NUBPL: variants seen among roughly 807,000 people sequenced by gnomAD.
The protein encoded by NUBPL is NUBP iron-sulfur cluster assembly factor, mitochondrial.
Under a neutral mutation model 45.7 loss-of-function variants are expected in NUBPL, and 31 were observed. The ratio of observed to expected loss-of-function variants is 0.68; its 90% confidence interval spans 0.51 to 0.92. The LOEUF is 0.92. Among genes scored for constraint, NUBPL ranks in the 40% least tolerant of loss-of-function variants. NUBPL has a pLI of 0.00. For missense variants in NUBPL, 401 were observed against 398.7 expected (o/e 1.01, Z -0.05); for synonymous variants, 144 against 140.9 (o/e 1.02, Z -0.15).
At chr14:31,669,009 T>C (rs1235242007) in intron 4 of NUBPL, among the ~76,000 whole-genome samples, 1 of 152,152 alleles carries the variant, frequency 6.6e-6, no homozygotes, top group Non-Finnish European at 1.5e-5. Context: ...GCTCCTTATT[T>C]ATTAAATTTT....
At chr14:31,782,162 C>T (rs904017452) in intron 6 of NUBPL, among the ~76,000 whole-genome samples, 71 of 152,020 alleles carry the variant, frequency 4.7e-4, no homozygotes, top group Non-Finnish European at 2.4e-4. Context: ...TTTGGGAGGC[C>T]GAGGCAGGCA....
intron 6 of NUBPL, among the ~76,000 whole-genome samples, chr14:31,707,529 T>C (rs1312371117): frequency 5.3e-5 from 8 of 152,164 alleles, no homozygotes; most frequent in African/African-American, 9.7e-5. Context: ...GATTAGAGTA[T>C]AGAGGGGCCT....
chr14:31,610,627 A>AAG (rs2034729963), intron 4 of NUBPL, among the ~76,000 whole-genome samples: 1 of 149,920 alleles, frequency 6.7e-6, no homozygotes, highest in African/African-American at 2.4e-5. Context: ...AAAAAAAAAA[A>AAG]AAAGAAAGAA....
At chr14:31,652,564 A>G (rs1595440312) in intron 4 of NUBPL, among the ~76,000 whole-genome samples, 1 of 152,224 alleles carries the variant, frequency 6.6e-6, no homozygotes, top group African/African-American at 2.4e-5. Context: ...AATTTTGTCA[A>G]TTAAAAATGA....
At chr14:31,629,529 G>T (rs911534230) in intron 4 of NUBPL, among the ~76,000 whole-genome samples, 2 of 152,094 alleles carry the variant, frequency 1.3e-5, no homozygotes, top group African/African-American at 4.8e-5. Context: ...AGTCATGTTG[G>T]AATATAGTCT....
At position 31,592,176 on chromosome 14, in the gene NUBPL, G is replaced by C. The variant is rs74438644; in HGVS notation, c.292-7113G>C. Among the ~76,000 whole-genome samples, 1,408 of 152,286 alleles carry C rather than the reference G, an allele frequency of 9.2e-3. 8 individuals are homozygous for C. The highest frequency in any genetic ancestry group is 0.017 in the Non-Finnish European group (1,130 of 68,012). The stretch of plus-strand genomic sequence containing the variant: ...ATCTCAGGGAGAAGGAAGAGCTGGG[G>C]CAAAGGCCAATAGGTGGGAGCATGC... On this transcript the variant is annotated intron_variant, in intron 3 of 10. Transcript: ENST00000281081.
chr14:31,712,992 A>T (rs1470785553), intron 6 of NUBPL, among the ~76,000 whole-genome samples: 1 of 152,162 alleles, frequency 6.6e-6, no homozygotes, highest in Non-Finnish European at 1.5e-5. Context: ...GGGGTAAGGG[A>T]GCAACCTGAT....
chr14:31,618,657 T>C lies in NUBPL; in HGVS notation c.382+19278T>C, dbSNP rs985583203. Among the ~76,000 whole-genome samples, 5 of 152,336 alleles carry C rather than the reference T, an allele frequency of 3.3e-5. No individual in the cohort carries two copies. In the East Asian group the frequency reaches 9.6e-4, roughly 29 times the overall value. Reference sequence around the variant, plus strand: ...TGCAGAACCTGTTTGTTATGATTTCTGTTCTTTTGCATTTGTTGAGGAGTG... The same window carrying C: ...TGCAGAACCTGTTTGTTATGATTTCCGTTCTTTTGCATTTGTTGAGGAGTG... On this transcript the variant is annotated intron_variant, in intron 4 of 10. Coordinates refer to ENST00000281081, the MANE Select transcript of NUBPL (RefSeq NM_025152.3).
chr14:31,819,699 A>G (rs1189509243), intron 7 of NUBPL, among the ~76,000 whole-genome samples: 1 of 152,226 alleles, frequency 6.6e-6, no homozygotes, highest in Non-Finnish European at 1.5e-5. Flanking sequence ...TAAAATGTTT[A>G]TGTATTTGCC....
intron 4 of NUBPL, among the ~76,000 whole-genome samples, chr14:31,638,273 G>A (rs1395029625): frequency 6.6e-6 from 1 of 151,490 alleles, no homozygotes; most frequent in Non-Finnish European, 1.5e-5. Flanking sequence ...AGCTCTTTTA[G>A]GGCAGGCCTG....
intron 6 of NUBPL, among the ~76,000 whole-genome samples, chr14:31,715,285 C>T (rs895524452): frequency 2.0e-5 from 3 of 152,134 alleles, no homozygotes; most frequent in African/African-American, 7.2e-5. Context: ...AAATATCAGT[C>T]CTTAACATGG....
At position 31,735,034 on chromosome 14, in the gene NUBPL, T is replaced by C. The variant is rs116811828; in HGVS notation, c.514-52746T>C. The stretch of plus-strand genomic sequence containing the variant: ...ATCCTGTATTGGGAGGGAAAGAAGA[T>C]TGTCCTGTGTACTAGAAGGTGTTTA... On this transcript the variant is annotated intron_variant, in intron 6 of 10. Transcript: ENST00000281081. 2.2e-3 allele frequency among the ~76,000 whole-genome samples: 336 copies of C among 152,058 alleles called. 4 individuals carry two copies. Among genetic ancestry groups the C allele is most frequent in the African/African-American group, 7.7e-3 (318 of 41,324 alleles).
At chr14:31,737,783 C>CATA (rs993990367) in intron 6 of NUBPL, among the ~76,000 whole-genome samples, 20 of 152,194 alleles carry the variant, frequency 1.3e-4, no homozygotes, top group African/African-American at 4.1e-4. Context: ...GACTCTGTCT[C>CATA]ATAATAATAA....
intron 3 of NUBPL, among the ~76,000 whole-genome samples, chr14:31,570,362 G>A (rs1345856527): frequency 6.6e-6 from 1 of 152,040 alleles, no homozygotes; most frequent in Non-Finnish European, 1.5e-5. Flanking sequence ...TACTCTTAAA[G>A]GTTTTATAAT....
intron 6 of NUBPL, among the ~76,000 whole-genome samples, chr14:31,702,236 T>C (rs898847986): frequency 2.0e-5 from 3 of 152,192 alleles, no homozygotes; most frequent in Admixed American, 6.5e-5. Flanking sequence ...CTCCTGGCAT[T>C]GATGTATGAT....
chr14:31,569,027 A>G (rs2139456708), intron 3 of NUBPL, among the ~76,000 whole-genome samples: 1 of 152,358 alleles, frequency 6.6e-6, no homozygotes, highest in East Asian at 1.9e-4. Flanking sequence ...ATAAACAAAT[A>G]TATTAACATA....
At chr14:31,704,272 G>C (rs2139902763) in intron 6 of NUBPL, among the ~76,000 whole-genome samples, 1 of 152,238 alleles carries the variant, frequency 6.6e-6, no homozygotes, top group South Asian at 2.1e-4. Flanking sequence ...GGACATTCTA[G>C]GGGTCCCCTT....
chr14:31,624,239 G>T (rs1463828784), intron 4 of NUBPL, among the ~76,000 whole-genome samples: 1 of 152,136 alleles, frequency 6.6e-6, no homozygotes, highest in Non-Finnish European at 1.5e-5. Context: ...AATGGCCCTT[G>T]ATTTTCTGAG....
intron 4 of NUBPL, among the ~76,000 whole-genome samples, chr14:31,635,317 G>C (rs1385067738): frequency 6.6e-6 from 1 of 152,178 alleles, no homozygotes; most frequent in Non-Finnish European, 1.5e-5. Context: ...TGGCTAGCCA[G>C]TTTTCCCAGC....
Sources: gnomAD v4.1 joint callset for allele counts (sites outside exome capture counted in the v4.1 genomes callset) on GRCh38, gnomAD v4.1.1 for gene constraint, MANE v1.5 for transcripts, NCBI Gene and HGNC (gene_info 2026-07-23, HGNC 2026-07-21) for gene names.